GRM3: variants seen among roughly 807,000 people sequenced by gnomAD.
GRM3 encodes glutamate metabotropic receptor 3.
Under a neutral mutation model 70.5 loss-of-function variants are expected in GRM3, and 26 were observed. The ratio of observed to expected loss-of-function variants is 0.37; its 90% CI spans 0.27 to 0.51. The LOEUF is 0.51. Ranked by LOEUF, GRM3 falls within the 20% of genes least tolerant of loss-of-function variation. The pLI, the probability that GRM3 is intolerant of heterozygous loss-of-function variation, is 0.93. For missense variants in GRM3, 859 were observed against 1,123.8 expected, an observed-to-expected ratio of 0.76 and a Z score of 3.37; for synonymous variants, 443 against 434.9, an observed-to-expected ratio of 1.02 and a Z score of -0.23.
At chr7:86,783,616 C>T (rs1797138837) in intron 2 of GRM3, among the ~76,000 whole-genome samples, 1 of 152,086 alleles carries the variant, frequency 6.6e-6, no homozygotes, top group Admixed American at 6.5e-5. Flanking sequence ...TAACATTCTT[C>T]TTTACAAATA....
At chr7:86,780,446 T>G (rs1312881896) in intron 2 of GRM3, among the ~76,000 whole-genome samples, 2 of 152,228 alleles carry the variant, frequency 1.3e-5, no homozygotes, top group Non-Finnish European at 2.9e-5. Flanking sequence ...CATCTGTGAC[T>G]TGATAACCTG....
chr7:86,805,687 T>C (rs1464334197), intron 3 of GRM3, among the ~76,000 whole-genome samples: 1 of 152,200 alleles, frequency 6.6e-6, no homozygotes, highest in Non-Finnish European at 1.5e-5. Context: ...TCATATAGTA[T>C]GTGCCTTTTC....
At chr7:86,767,533 A>G (rs1796633413) in intron 2 of GRM3, among the ~76,000 whole-genome samples, 1 of 71,100 alleles carries the variant, frequency 1.4e-5, no homozygotes, top group Non-Finnish European at 2.8e-5. Flanking sequence ...ATATATATAT[A>G]TATATATATA....
rs970031115 is a variant in GRM3 at position 86,713,078 on chromosome 7, T to C, written c.-140-51928T>C. 3.3e-5 allele frequency among the ~76,000 whole-genome samples: 5 copies of C among 152,192 alleles called. 1 individual carries two copies. The Middle Eastern group carries it at 0.01, about 311-fold the overall frequency. On this transcript the variant is annotated intron_variant, in intron 1 of 5. Transcript: ENST00000361669. ...CTATTCTTCATAGCATCTGTACTAA[T>C]TTGCATTCCTACCAGCAGTGTACAA...
At chr7:86,711,020 T>G (rs1795186668) in intron 1 of GRM3, among the ~76,000 whole-genome samples, 1 of 152,044 alleles carries the variant, frequency 6.6e-6, no homozygotes, top group Non-Finnish European at 1.5e-5. Context: ...TCACTTAACT[T>G]GTAATCCTGG....
intron 2 of GRM3, among the ~76,000 whole-genome samples, chr7:86,767,952 T>C (rs1796647742): frequency 6.6e-6 from 1 of 152,120 alleles, no homozygotes. Flanking sequence ...TTGAAAGACC[T>C]ATCTCATTAG....
At chr7:86,840,717 G>A (rs1416477425) in intron 4 of GRM3, among the ~76,000 whole-genome samples, 2 of 151,996 alleles carry the variant, frequency 1.3e-5, no homozygotes, top group African/African-American at 4.8e-5. Flanking sequence ...TCTCTCTTCA[G>A]GTATTTGTTT....
At chr7:86,684,088 T>C (rs1374366735) in intron 1 of GRM3, among the ~76,000 whole-genome samples, 2 of 152,176 alleles carry the variant, frequency 1.3e-5, no homozygotes, top group African/African-American at 4.8e-5. Context: ...TGTAAAGTTC[T>C]TCGTGGTCTG....
chr7:86,851,975 G>A (rs1192392479), intron 5 of GRM3, among the ~76,000 whole-genome samples: 1 of 152,060 alleles, frequency 6.6e-6, no homozygotes, highest in African/African-American at 2.4e-5. Flanking sequence ...TTCATATGCT[G>A]GGCACCATGC....
intron 2 of GRM3, among the ~76,000 whole-genome samples, chr7:86,777,032 C>A (rs1157320451): frequency 6.6e-6 from 1 of 152,104 alleles, no homozygotes; most frequent in East Asian, 1.9e-4. Flanking sequence ...CCTGCTAAAT[C>A]TGGATGGAAA....
chr7:86,651,939 G>T (rs701334), intron 1 of GRM3, among the ~76,000 whole-genome samples: 101,779 of 152,000 alleles, frequency 0.67, 34,414 homozygotes, highest in East Asian at 0.87. Context: ...AGAACATATA[G>T]TTCTAGAACC....
At chr7:86,784,923 T>A (rs1411535624) in intron 2 of GRM3, among the ~76,000 whole-genome samples, 1 of 152,354 alleles carries the variant, frequency 6.6e-6, no homozygotes, top group Non-Finnish European at 1.5e-5. Context: ...TCCAAGAACA[T>A]GCTGTGTAGC....
At chr7:86,742,758 T>G (rs1796017617) in intron 1 of GRM3, among the ~76,000 whole-genome samples, 1 of 152,164 alleles carries the variant, frequency 6.6e-6, no homozygotes, top group South Asian at 2.1e-4. Context: ...TGATTAAAGG[T>G]GACCTTTGCA....
chr7:86,804,095 C>T (rs1358631309), intron 3 of GRM3, among the ~76,000 whole-genome samples: 1 of 152,068 alleles, frequency 6.6e-6, no homozygotes, highest in Non-Finnish European at 1.5e-5. Flanking sequence ...GATCATTGCA[C>T]AGTGATATGT....
intron 3 of GRM3, among the ~76,000 whole-genome samples, chr7:86,812,504 G>C (rs377059584): frequency 2.0e-5 from 3 of 151,760 alleles, no homozygotes; most frequent in Non-Finnish European, 4.4e-5. Flanking sequence ...TAGGATTAAC[G>C]TTAAGAATTT....
chr7:86,689,177 T>C (rs1166429947), intron 1 of GRM3, among the ~76,000 whole-genome samples: 1 of 151,372 alleles, frequency 6.6e-6, no homozygotes, highest in Non-Finnish European at 1.5e-5. Flanking sequence ...TGAAGAGTAA[T>C]AAAATATAAA....
intron 3 of GRM3, among the ~76,000 whole-genome samples, chr7:86,793,260 G>A (rs1289771091): frequency 6.6e-6 from 1 of 152,124 alleles, no homozygotes; most frequent in Admixed American, 6.5e-5. Flanking sequence ...CACAGGCCAG[G>A]AAGGGCAGAT....
At chr7:86,704,116 A>T (rs760812198) in intron 1 of GRM3, among the ~76,000 whole-genome samples, 1 of 151,900 alleles carries the variant, frequency 6.6e-6, no homozygotes, top group Non-Finnish European at 1.5e-5. Context: ...AATATTTCAC[A>T]TGGCAGCCTC....
At chr7:86,863,368 GA>G (rs1353419626) in intron 5 of GRM3, among the ~76,000 whole-genome samples, 4 of 152,212 alleles carry the variant, frequency 2.6e-5, no homozygotes, top group African/African-American at 9.6e-5. Context: ...AGTTTCCTAT[GA>G]CTGGTGTGAG....
Sources: allele counts gnomAD v4.1 joint callset (sites outside exome capture counted in the v4.1 genomes callset), GRCh38; gene constraint gnomAD v4.1.1; transcripts MANE v1.5; gene names NCBI Gene and HGNC (gene_info 2026-07-23, HGNC 2026-07-21).